The following MBLAC1 variants were observed in gnomAD, a reference collection of about 807,000 sequenced individuals.
MBLAC1 encodes metallo-beta-lactamase domain containing 1.
MBLAC1 carries 1 observed loss-of-function variant against 1.5 expected under a neutral mutation model. That is an observed-to-expected ratio of 0.68 (90% CI 0.24 to 3.21). The LOEUF (loss-of-function observed/expected upper bound fraction) is 3.21. Ranked by LOEUF, MBLAC1 falls within the 30% of genes most tolerant of loss-of-function variation. The pLI, the probability that MBLAC1 is intolerant of heterozygous loss-of-function variation, is 0.20. For synonymous variants in MBLAC1, 197 were observed against 191.3 expected (o/e 1.03, Z -0.25); for missense variants, 371 against 384.7 (o/e 0.96, Z 0.30).
In MBLAC1 at chr7:100,127,103, G is replaced by A. The variant is rs1240967641; in HGVS notation, c.-29+39G>A. 6 of 452,158 alleles carry A rather than the reference G, an allele frequency of 1.3e-5. No individual in the cohort carries two copies. The highest frequency in any genetic ancestry group is 2.0e-5 in the Non-Finnish European group (5 of 251,636). The allele number at this position is 452,158 out of a possible 1,614,324, so 28.0% of individuals were successfully genotyped here. A position where few individuals can be genotyped will look rare whatever the true frequency, so the allele number is the denominator to read the frequency against. On this transcript the variant is annotated intron_variant, in intron 1 of 1. Transcript: ENST00000398075. This position sits in a 1 kb window ranked among gnomAD's most constrained non-coding sequence, Gnocchi z 4.6. ...AGGATTCGATGGAGGGAAACATAAA[G>A]GATAGCCTTTGGAGGGTGACGGGCA...
chr7:100,127,704 C>A lies in MBLAC1; in HGVS notation c.309C>A (p.Ala103=). 6.9e-7 allele frequency: 1 copy of A among 1,444,992 alleles called. No homozygotes were observed. Among genetic ancestry groups the A allele is most frequent in the South Asian group, 1.5e-5 (1 of 67,100 alleles). The allele number at this position is 1,444,992 out of a possible 1,614,324, so 89.5% of individuals were successfully genotyped here. ...GGGCGCTGGCGGGGCAGGGCGTGGC[C>A]CCGGGAGACGTGACGCTAGTGGTGG... ...LLGALAGQGV[A]PGDVTLVVGT... Residue 103 remains alanine (A), a synonymous_variant, in exon 2 of 2, where the codon GCC becomes GCA. Coordinates refer to ENST00000398075, the MANE Select transcript of MBLAC1 (RefSeq NM_203397.3). The surrounding 1 kb of genome is among the most constrained non-coding windows in gnomAD (Gnocchi z 4.6).
In MBLAC1 at chr7:100,127,651, G is replaced by C. The variant is rs1360453697; in HGVS notation, c.256G>C (p.Gly86Arg). 49 of 1,405,014 alleles carry C rather than the reference G, an allele frequency of 3.5e-5. No individual in the cohort carries two copies. Among genetic ancestry groups the C allele is most frequent in the Non-Finnish European group, 4.3e-5 (47 of 1,083,602 alleles). 87.0% of individuals were successfully genotyped at this position (1,405,014 alleles called of 1,614,324 possible). The change falls in exon 2 of 2, where the codon GGC becomes CGC. Residue 86 changes from glycine (G) to arginine (R), a missense_variant. Coordinates refer to ENST00000398075, the MANE Select transcript of MBLAC1 (RefSeq NM_203397.3). The surrounding 1 kb of genome is among the most constrained non-coding windows in gnomAD (Gnocchi z 4.6). ...ARGPILVDTG[G>R]PWAREALLGA... ...TGGCCCCATCCTGGTGGACACCGGG[G>C]GCCCCTGGGCTCGGGAGGCGCTGCT...
Position 100,127,471 on chromosome 7 carries a change from C to G in MBLAC1, c.76C>G (p.Gln26Glu), listed in dbSNP as rs1798254280. Reference protein sequence around the residue: ...GDPYSVVVLLQGYAEPEGVGD... With the variant: ...GDPYSVVVLLEGYAEPEGVGD... The stretch of plus-strand genomic sequence containing the variant: ...CCCCTACTCTGTGGTGGTTCTGCTG[C>G]AGGGCTACGCGGAGCCAGAGGGTGT... Residue 26 changes from glutamine to glutamate, a missense_variant, in exon 2 of 2, where the codon CAG becomes GAG. Coordinates refer to ENST00000398075, the MANE Select transcript of MBLAC1 (RefSeq NM_203397.3). The surrounding 1 kb of genome is among the most constrained non-coding windows in gnomAD (Gnocchi z 4.6). 6.3e-7 allele frequency: 1 copy of G among 1,592,504 alleles called. No homozygotes were observed. Among genetic ancestry groups the G allele is most frequent in the Non-Finnish European group, 8.5e-7 (1 of 1,177,136 alleles).
chr7:100,127,300 C>T lies in MBLAC1; in HGVS notation c.-28-68C>T. The T allele has an allele frequency of 8.0e-7, 1 of 1,243,850 alleles. No homozygotes were observed. The highest frequency in any genetic ancestry group is 2.5e-5 in the Admixed American group (1 of 40,394). The allele number at this position is 1,243,850 out of a possible 1,614,324, so 77.1% of individuals were successfully genotyped here. The stretch of plus-strand genomic sequence containing the variant: ...CCGAGGCTTAGGGGCAGTGGCGGGG[C>T]CGAGCGCGGGTGGGGGATCGCGGAG... On this transcript the variant is annotated intron_variant, in intron 1 of 1. Coordinates refer to ENST00000398075, the MANE Select transcript of MBLAC1 (RefSeq NM_203397.3). This position sits in a 1 kb window ranked among gnomAD's most constrained non-coding sequence, Gnocchi z 4.6.
Position 100,127,718 on chromosome 7 carries a change from C to A in MBLAC1, c.323C>A (p.Thr108Lys). 1.4e-6 allele frequency: 2 copies of A among 1,470,538 alleles called. No homozygotes were observed. The highest frequency in any genetic ancestry group is 2.6e-5 in the Admixed American group (1 of 38,612). 91.1% of individuals were successfully genotyped at this position (1,470,538 alleles called of 1,614,324 possible). A position where few individuals can be genotyped will look rare whatever the true frequency, so the allele number is the denominator to read the frequency against. ...CAGGGCGTGGCCCCGGGAGACGTGA[C>A]GCTAGTGGTGGGGACCCACGGGCAC... is the stretch of plus-strand genomic sequence containing the variant. ...AGQGVAPGDV[T>K]LVVGTHGHSD... The change falls in exon 2 of 2, where the codon ACG (threonine) becomes AAG (lysine). Residue 108 changes from threonine to lysine, a missense_variant. Transcript: ENST00000398075. The surrounding 1 kb of genome is among the most constrained non-coding windows in gnomAD (Gnocchi z 4.6).
In MBLAC1 at chr7:100,127,965, G is replaced by A. The variant is rs373773085; in HGVS notation, c.570G>A (p.Ala190=). 4.5e-5 allele frequency: 73 copies of A among 1,609,104 alleles called. No homozygotes were observed. The African/African-American group carries it at 8.9e-4, about 20-fold the overall frequency. Residue 190 remains alanine, a synonymous_variant, in exon 2 of 2, where the codon GCG becomes GCA. Transcript: ENST00000398075. This position sits in a 1 kb window ranked among gnomAD's most constrained non-coding sequence, Gnocchi z 4.6. The part of the protein sequence containing the change: ...AGTALGTVVV[A]GDVFERDGDE... ...CGGCTCTGGGCACCGTGGTGGTGGC[G>A]GGAGATGTGTTTGAGCGAGATGGGG... is the stretch of plus-strand genomic sequence containing the variant.
chr7:100,127,786 C>T lies in MBLAC1; in HGVS notation c.391C>T (p.Leu131=). The change falls in exon 2 of 2, where the codon CTG becomes TTG. Residue 131 remains leucine (L), a synonymous_variant. Coordinates refer to ENST00000398075, the MANE Select transcript of MBLAC1 (RefSeq NM_203397.3). This position sits in a 1 kb window ranked among gnomAD's most constrained non-coding sequence, Gnocchi z 4.6. ...CTTGGGGCTGTTCCCAGGCGCGGCT[C>T]TGCTGGTCTCGCACGACTTCTGCCT... The part of the protein sequence containing the change: ...GNLGLFPGAA[L]LVSHDFCLPG... The T allele has an allele frequency of 6.3e-7, 1 of 1,578,240 alleles. No homozygotes were observed. Among genetic ancestry groups the T allele is most frequent in the Non-Finnish European group, 8.6e-7 (1 of 1,162,470 alleles).
chr7:100,127,165 C>A lies in MBLAC1; in HGVS notation c.-29+101C>A, dbSNP rs1212705351. The A allele has an allele frequency of 7.4e-6, 4 of 539,514 alleles. No homozygotes were observed. 33.4% of individuals were successfully genotyped at this position (539,514 alleles called of 1,614,324 possible). ...ACCGCGAACGGAATGGGGCGGGGGC[C>A]GAGGACGCCGAGGGAGGGGCGGGCC... On this transcript the variant is annotated intron_variant, in intron 1 of 1. Transcript: ENST00000398075. This position sits in a 1 kb window ranked among gnomAD's most constrained non-coding sequence, Gnocchi z 4.6.
chr7:100,127,946 T>A lies in MBLAC1; in HGVS notation c.551T>A (p.Leu184Gln). 1 of 1,601,228 alleles carries A rather than the reference T, an allele frequency of 6.2e-7. No homozygotes were observed. Among genetic ancestry groups the A allele is most frequent in the Non-Finnish European group, 8.5e-7 (1 of 1,174,048 alleles). ...AGCGTGGTGGTGGCCGGCACGGCTC[T>A]GGGCACCGTGGTGGTGGCGGGAGAT... ...DVSVVVAGTA[L>Q]GTVVVAGDVF... The change falls in exon 2 of 2, where the codon CTG becomes CAG. Residue 184 changes from leucine to glutamine, a missense_variant. Transcript: ENST00000398075. The surrounding 1 kb of genome is among the most constrained non-coding windows in gnomAD (Gnocchi z 4.6).
Sources: gnomAD v4.1 joint callset for allele counts on GRCh38, gnomAD v4.1.1 for gene constraint, Gnocchi (gnomAD v3.1) non-coding constraint, MANE v1.5 for transcripts, NCBI Gene and HGNC (gene_info 2026-07-23, HGNC 2026-07-21) for gene names.